The following CEP63 variants were observed in gnomAD, a reference collection of about 807,000 sequenced individuals.
CEP63 encodes the protein centrosomal protein 63, also known as centrosomal protein of 63 kDa.
CEP63 carries 84 observed loss-of-function variants against 89.1 expected under a neutral mutation model. The observed-to-expected ratio is 0.94, with a 90% CI of 0.79 to 1.13. The LOEUF (loss-of-function observed/expected upper bound fraction) is 1.13. Ranked by LOEUF, CEP63 falls within the 50% of genes most tolerant of loss-of-function variation. CEP63 has a pLI of 0.00. For missense variants in CEP63, 838 were observed against 813.3 expected, an observed-to-expected ratio of 1.03 and a Z score of -0.37; for synonymous variants, 267 against 272.5, an observed-to-expected ratio of 0.98 and a Z score of 0.20.
At chr3:134,752,792 A>C in the CEP63 span, among the ~76,000 whole-genome samples, 1 of 152,092 alleles carries the variant, frequency 6.6e-6, no homozygotes, top group Non-Finnish European at 1.5e-5. Context: ...TTCAGGGCTG[A>C]CAAGTGAGGG....
At chr3:134,749,705 CA>C in the CEP63 span, among the ~76,000 whole-genome samples, 104 of 49,372 alleles carry the variant, frequency 2.1e-3, no homozygotes, top group African/African-American at 6.0e-3. Flanking sequence ...AGGGGTTGTT[CA>C]AAAAAAAAAA....
chr3:134,735,370 AAC>A, the CEP63 span, among the ~76,000 whole-genome samples: 1 of 152,124 alleles, frequency 6.6e-6, no homozygotes, highest in Admixed American at 6.6e-5. Context: ...AAACTTATCT[AAC>A]ACATGTATTT....
the CEP63 span, among the ~76,000 whole-genome samples, chr3:134,765,054 G>A: frequency 1.3e-5 from 2 of 152,196 alleles, no homozygotes; most frequent in Admixed American, 1.3e-4. Flanking sequence ...CTGATAGCTA[G>A]GCCCCACCCC....
At chr3:134,519,123 T>C (rs781379311) in intron 3 of CEP63, among the ~76,000 whole-genome samples, 20 of 151,478 alleles carry the variant, frequency 1.3e-4, no homozygotes, top group Admixed American at 9.2e-4. Flanking sequence ...TCCTATTAAA[T>C]TGATTTTTTT....
the CEP63 span, among the ~76,000 whole-genome samples, chr3:134,720,789 A>G: frequency 6.6e-6 from 1 of 152,106 alleles, no homozygotes; most frequent in Non-Finnish European, 1.5e-5. Flanking sequence ...TTGACCATAA[A>G]TATAAGAGTT....
intron 4 of CEP63, 57 bp from the exon 5 acceptor site, chr3:134,532,721 C>T: frequency 6.9e-7 from 1 of 1,440,940 alleles, no homozygotes; most frequent in East Asian, 2.3e-5. Context: ...CAATTTGTCT[C>T]ACCACTACTT....
chr3:134,576,276 G>A (rs1313094189), downstream of CEP63, among the ~76,000 whole-genome samples: 1 of 152,100 alleles, frequency 6.6e-6, no homozygotes, highest in Non-Finnish European at 1.5e-5. Context: ...AAACATACAT[G>A]GGCTACTCAG....
intron 2 of CEP63, among the ~76,000 whole-genome samples, chr3:134,503,242 T>C (rs1027805994): frequency 8.5e-5 from 13 of 152,208 alleles, no homozygotes; most frequent in Non-Finnish European, 1.5e-4. Context: ...CAAGACATTT[T>C]TGCATTTCTT....
the CEP63 span, among the ~76,000 whole-genome samples, chr3:134,626,508 A>G: frequency 6.6e-6 from 1 of 152,152 alleles, no homozygotes; most frequent in African/African-American, 2.4e-5. Context: ...CTGCAGGTAC[A>G]TGCAGGGAGG....
At chr3:134,496,606 G>T (rs1311095738) in intron 2 of CEP63, among the ~76,000 whole-genome samples, 1 of 152,132 alleles carries the variant, frequency 6.6e-6, no homozygotes, top group Non-Finnish European at 1.5e-5. Context: ...GTTTTGAGCT[G>T]GTAAAGTCTT....
At chr3:134,705,648 T>C in the CEP63 span, among the ~76,000 whole-genome samples, 8 of 152,188 alleles carry the variant, frequency 5.3e-5, no homozygotes, top group Non-Finnish European at 1.0e-4. Context: ...GTCACCTTGG[T>C]GAGTACCTGA....
the CEP63 span, among the ~76,000 whole-genome samples, chr3:134,762,840 C>T: frequency 2.0e-5 from 3 of 152,140 alleles, no homozygotes; most frequent in East Asian, 3.9e-4. Context: ...CAAAAGCCCC[C>T]ACAGAAACAA....
At chr3:134,682,186 C>G in the CEP63 span, among the ~76,000 whole-genome samples, 1 of 152,160 alleles carries the variant, frequency 6.6e-6, no homozygotes, top group Non-Finnish European at 1.5e-5. Context: ...TCTGAGCCAT[C>G]AATTGGTTTC....
chr3:134,604,159 G>T, the CEP63 span: 9 of 1,608,980 alleles, frequency 5.6e-6, no homozygotes, highest in Middle Eastern at 1.7e-4. Flanking sequence ...GATAGGGTCA[G>T]GGTGGGAGGG....
chr3:134,558,694 A>G (rs1307479790), intron 13 of CEP63, among the ~76,000 whole-genome samples: 6 of 151,970 alleles, frequency 3.9e-5, no homozygotes, highest in Middle Eastern at 3.2e-3. Context: ...TTTTTAGTCA[A>G]TTTGTTATAG....
the CEP63 span, among the ~76,000 whole-genome samples, chr3:134,630,854 T>C: frequency 6.6e-6 from 1 of 152,088 alleles, no homozygotes; most frequent in South Asian, 2.1e-4. Context: ...TAACAAGTAA[T>C]AGCAAACAGT....
the CEP63 span, among the ~76,000 whole-genome samples, chr3:134,726,099 C>T: frequency 2.6e-5 from 4 of 152,188 alleles, no homozygotes; most frequent in African/African-American, 9.7e-5. Flanking sequence ...TTTCCTCTTC[C>T]TAAGATTTCT....
chr3:134,744,647 T>C, the CEP63 span, among the ~76,000 whole-genome samples: 1 of 152,164 alleles, frequency 6.6e-6, no homozygotes, highest in Non-Finnish European at 1.5e-5. Flanking sequence ...CCTGAGTAGC[T>C]GGTACTACAG....
the CEP63 span, among the ~76,000 whole-genome samples, chr3:134,700,859 G>A: frequency 6.6e-6 from 1 of 152,084 alleles, no homozygotes; most frequent in African/African-American, 2.4e-5. Context: ...GCAGAAACCA[G>A]CTCCTTCTTG....
Sources: gnomAD v4.1 joint callset for allele counts (sites outside exome capture counted in the v4.1 genomes callset) on GRCh38, gnomAD v4.1.1 for gene constraint, MANE v1.5 for transcripts, NCBI Gene and HGNC (gene_info 2026-07-23, HGNC 2026-07-21) for gene names.